The following COL24A1 variants were observed in gnomAD, a reference collection of about 807,000 sequenced individuals.
The protein encoded by COL24A1 is collagen type XXIV alpha 1 chain.
A neutral mutation model predicts 253.9 loss-of-function variants in COL24A1; 224 were observed. The ratio of observed to expected loss-of-function variants is 0.88; its 90% CI spans 0.79 to 0.99. COL24A1 has a LOEUF of 0.99. COL24A1 is among the 50% of genes least tolerant of loss of function. The pLI is 0.00. For missense variants in COL24A1, 2,131 were observed against 2,068.5 expected (o/e 1.03, Z -0.59); for synonymous variants, 685 against 673.7 (o/e 1.02, Z -0.26).
intron 57 of COL24A1, among the ~76,000 whole-genome samples, chr1:85,738,523 T>C (rs1043328797): frequency 3.3e-5 from 5 of 152,142 alleles, no homozygotes; most frequent in African/African-American, 1.2e-4. Context: ...TGAAAAGCAA[T>C]GGCCTAGCAT....
rs557153278 is a variant in COL24A1, at chr1:85,812,004, C to T, written c.3951+4784G>A. 3.6e-4 allele frequency among the ~76,000 whole-genome samples: 55 copies of T among 152,262 alleles called. 1 individual carries two copies. The highest frequency in any genetic ancestry group is 1.2e-3 in the African/African-American group (51 of 41,538). ...TGTAAGATTTTGGAGACAGGCCATG[C>T]CCTCTCTGTCAAATGCAATTTACCA... On this transcript the variant is annotated intron_variant, in intron 47 of 59. Transcript: ENST00000370571.
intron 19 of COL24A1, among the ~76,000 whole-genome samples, chr1:86,006,894 T>C (rs1696013105): frequency 6.6e-6 from 1 of 152,162 alleles, no homozygotes; most frequent in Admixed American, 6.5e-5. Context: ...CCACATTATA[T>C]GTCATTAGGG....
intron 52 of COL24A1, among the ~76,000 whole-genome samples, chr1:85,780,277 T>A (rs1039953877): frequency 6.6e-6 from 1 of 152,226 alleles, no homozygotes; most frequent in Non-Finnish European, 1.5e-5. Flanking sequence ...TCTATTTTTA[T>A]ATTTTTTAAT....
chr1:85,774,333 T>G (rs1668300999), intron 53 of COL24A1, among the ~76,000 whole-genome samples: 1 of 152,184 alleles, frequency 6.6e-6, no homozygotes, highest in Admixed American at 6.6e-5. Context: ...AAAATTCTCT[T>G]TTTTTGTTGT....
intron 19 of COL24A1, among the ~76,000 whole-genome samples, chr1:85,990,881 G>A (rs1694188961): frequency 6.6e-6 from 1 of 152,144 alleles, no homozygotes; most frequent in African/African-American, 2.4e-5. Context: ...GTAAACAAAG[G>A]TGAAGAATCA....
At chr1:85,747,661 T>C (rs1346694857) in intron 55 of COL24A1, among the ~76,000 whole-genome samples, 1 of 152,156 alleles carries the variant, frequency 6.6e-6, no homozygotes, top group Non-Finnish European at 1.5e-5. Context: ...TTCAATTAGT[T>C]GTGAAGAAAA....
At chr1:86,085,356 C>G (rs930304353) in intron 7 of COL24A1, among the ~76,000 whole-genome samples, 1 of 152,118 alleles carries the variant, frequency 6.6e-6, no homozygotes, top group African/African-American at 2.4e-5. Flanking sequence ...ATAATTCTCA[C>G]TAAACTGAGA....
chr1:85,908,587 C>A lies in COL24A1; in HGVS notation c.2724+11G>T. On this transcript the variant is annotated intron_variant, in intron 27 of 59. Transcript: ENST00000370571. ...TTCCGGAAGGAATCATAAAGTCTTT[C>A]CTGTACTTACAGGTAATCCCAATGG... 1.4e-6 allele frequency: 2 copies of A among 1,416,656 alleles called. No homozygotes were observed. The highest frequency in any genetic ancestry group is 1.9e-6 in the Non-Finnish European group (2 of 1,046,548). 87.8% of individuals were successfully genotyped at this position (1,416,656 alleles called of 1,614,324 possible).
At chr1:86,116,745 G>C (rs1179397607) in intron 3 of COL24A1, among the ~76,000 whole-genome samples, 3 of 152,054 alleles carry the variant, frequency 2.0e-5, no homozygotes, top group African/African-American at 7.2e-5. Context: ...ATTTCAGACT[G>C]TCCATGTTTT....
At chr1:86,145,128 G>A (rs930037005) in intron 2 of COL24A1, among the ~76,000 whole-genome samples, 2 of 151,932 alleles carry the variant, frequency 1.3e-5, no homozygotes, top group African/African-American at 4.8e-5. Flanking sequence ...TTGTCAATTT[G>A]GTCAACCAGA....
chr1:85,775,404 G>C (rs938840646), intron 53 of COL24A1, among the ~76,000 whole-genome samples: 1 of 152,160 alleles, frequency 6.6e-6, no homozygotes, highest in Non-Finnish European at 1.5e-5. Flanking sequence ...GTCCAGAGCT[G>C]AGTTCAAGTC....
intron 52 of COL24A1, among the ~76,000 whole-genome samples, chr1:85,777,444 C>T (rs573174014): frequency 6.6e-6 from 1 of 151,986 alleles, no homozygotes; most frequent in Non-Finnish European, 1.5e-5. Flanking sequence ...TTCTATGCAT[C>T]GCACTTAACA....
intron 47 of COL24A1, among the ~76,000 whole-genome samples, chr1:85,788,800 C>A (rs867258631): frequency 2.0e-5 from 3 of 152,172 alleles, no homozygotes; most frequent in Non-Finnish European, 4.4e-5. Flanking sequence ...TCCCCCAGCA[C>A]CATTTATTAA....
rs187346787 is a variant in COL24A1 at position 85,862,204 on chromosome 1, A to G, written c.3300+6315T>C. On this transcript the variant is annotated intron_variant, in intron 37 of 59. Transcript: ENST00000370571. ...TTTCAGTCTTCTTCATTAGATTATA[A>G]CATTTGAGGATCAGGAAACTTGGTA... is the stretch of plus-strand genomic sequence containing the variant. Among the ~76,000 whole-genome samples the G allele has an allele frequency of 3.6e-4, 55 of 152,296 alleles. No individual in the cohort carries two copies. In the East Asian group the frequency reaches 6.0e-3, roughly 17 times the overall value.
In COL24A1 at chr1:85,784,032, C is replaced by G. The variant is rs1669408423; in HGVS notation, c.4221+81G>C. 2.3e-5 allele frequency: 25 copies of G among 1,101,582 alleles called. 1 individual carries two copies. In the South Asian group the frequency reaches 4.3e-4, roughly 19 times the overall value. 68.2% of individuals were successfully genotyped at this position (1,101,582 alleles called of 1,614,324 possible). On this transcript the variant is annotated intron_variant, in intron 50 of 59. Transcript: ENST00000370571. ...CTGAAATTTTACAGATTTAAAAAAG[C>G]TCAAGTTACAGACTATATTATTTCA... is the stretch of plus-strand genomic sequence containing the variant.
chr1:85,824,824 T>C (rs990753025), intron 43 of COL24A1, among the ~76,000 whole-genome samples: 1 of 152,112 alleles, frequency 6.6e-6, no homozygotes, highest in African/African-American at 2.4e-5. Flanking sequence ...ACAGAAAGAA[T>C]GCCTTAGGAA....
At chr1:85,763,084 C>T (rs746898862) in intron 53 of COL24A1, among the ~76,000 whole-genome samples, 24 of 152,124 alleles carry the variant, frequency 1.6e-4, no homozygotes, top group Admixed American at 4.6e-4. Context: ...CTAGCTAATA[C>T]ACCATTAAGG....
At chr1:86,151,039 T>C (rs1341723087) in intron 1 of COL24A1, among the ~76,000 whole-genome samples, 6 of 151,954 alleles carry the variant, frequency 3.9e-5, no homozygotes, top group Non-Finnish European at 5.9e-5. Flanking sequence ...GTTATATATA[T>C]AGGTGTGTGT....
intron 24 of COL24A1, among the ~76,000 whole-genome samples, chr1:85,948,713 A>C (rs1430479438): frequency 6.6e-6 from 1 of 151,678 alleles, no homozygotes; most frequent in African/African-American, 2.4e-5. Flanking sequence ...TCCCTAACTC[A>C]TTCTATGAGG....
Sources: allele counts gnomAD v4.1 joint callset (sites outside exome capture counted in the v4.1 genomes callset), GRCh38; gene constraint gnomAD v4.1.1; transcripts MANE v1.5; gene names NCBI Gene and HGNC (gene_info 2026-07-23, HGNC 2026-07-21).